Variants in NBAS observed in about 807,000 individuals in gnomAD.
The protein encoded by NBAS is NBAS subunit of NRZ tethering complex.
NBAS carries 219 observed loss-of-function variants against 302.5 expected under a neutral mutation model. That is an observed-to-expected ratio of 0.72 (90% CI 0.65 to 0.81). The LOEUF (loss-of-function observed/expected upper bound fraction) is 0.81, where lower values mean the gene tolerates loss of function less well. NBAS is among the 30% of genes least tolerant of loss of function. The pLI is 0.00. For synonymous variants in NBAS, 1,118 were observed against 1,021.6 expected (o/e 1.09, Z -1.80); for missense variants, 2,932 against 2,841.6 (o/e 1.03, Z -0.72).
intron 12 of NBAS, among the ~76,000 whole-genome samples, chr2:15,486,433 T>A (rs930651429): frequency 2.0e-5 from 3 of 152,146 alleles, no homozygotes; most frequent in African/African-American, 7.2e-5. Context: ...AAAAGCTCTA[T>A]CTGAGGACTG....
the NBAS span, among the ~76,000 whole-genome samples, chr2:15,097,557 T>C: frequency 6.6e-6 from 1 of 152,134 alleles, no homozygotes; most frequent in Non-Finnish European, 1.5e-5. Flanking sequence ...GGAGCCAGCA[T>C]GATGGGGTTC....
the NBAS span, among the ~76,000 whole-genome samples, chr2:14,781,267 CAA>C: frequency 1.3e-4 from 20 of 152,288 alleles, no homozygotes; most frequent in South Asian, 1.9e-3. Flanking sequence ...AGTGCCTTTA[CAA>C]TTTAGCACTT....
At chr2:15,158,342 C>T in the NBAS span, among the ~76,000 whole-genome samples, 8 of 152,150 alleles carry the variant, frequency 5.3e-5, no homozygotes, top group African/African-American at 1.9e-4. Context: ...TTCGGCAAGC[C>T]TGGAAGTGAG....
intron 44 of NBAS, among the ~76,000 whole-genome samples, chr2:15,264,182 A>G (rs1049850168): frequency 6.6e-6 from 1 of 152,210 alleles, no homozygotes; most frequent in South Asian, 2.1e-4. Flanking sequence ...GCACTGTAGT[A>G]GGGAGGTTAT....
chr2:15,122,797 T>C, the NBAS span, among the ~76,000 whole-genome samples: 2 of 152,110 alleles, frequency 1.3e-5, no homozygotes, highest in Non-Finnish European at 2.9e-5. Context: ...CAAGGTAAAC[T>C]CTGAAATGCC....
chr2:14,840,701 TGA>T, the NBAS span, among the ~76,000 whole-genome samples: 277 of 151,952 alleles, frequency 1.8e-3, no homozygotes, highest in East Asian at 0.01. Context: ...CAAACGTAAA[TGA>T]GAGAAAAAAT....
chr2:15,390,264 C>G lies in NBAS; in HGVS notation c.3257+3963G>C, dbSNP rs552581290. ...CTTCCTCCATCCCAACTGCAAAAAG[C>G]AAAAAGATTAAACTGTTTGCAAGTA... On this transcript the variant is annotated intron_variant, in intron 28 of 51. Transcript: ENST00000281513. Among the ~76,000 whole-genome samples the G allele has an allele frequency of 5.9e-5, 9 of 152,178 alleles. No individual in the cohort carries two copies. The South Asian group carries it at 1.9e-3, about 32-fold the overall frequency.
the NBAS span, among the ~76,000 whole-genome samples, chr2:15,148,507 G>A: frequency 4.9e-4 from 75 of 152,276 alleles, 1 homozygote; most frequent in South Asian, 0.01. Context: ...GGCATTCCAC[G>A]TGCAGAGTGG....
chr2:14,975,129 C>A, the NBAS span, among the ~76,000 whole-genome samples: 1 of 152,126 alleles, frequency 6.6e-6, no homozygotes, highest in Non-Finnish European at 1.5e-5. Context: ...AACCTAGAAG[C>A]AGATTTTTCC....
intron 35 of NBAS, among the ~76,000 whole-genome samples, chr2:15,350,892 A>G (rs1673321494): frequency 6.6e-6 from 1 of 152,228 alleles, no homozygotes; most frequent in African/African-American, 2.4e-5. Context: ...ACTACTGTTC[A>G]AAGTCTCATT....
chr2:15,388,624 C>T (rs772469703), intron 28 of NBAS, among the ~76,000 whole-genome samples: 2 of 152,106 alleles, frequency 1.3e-5, no homozygotes, highest in Non-Finnish European at 2.9e-5. Context: ...AGCAGTTCCA[C>T]TCCTAGGTAG....
chr2:15,000,277 A>C, the NBAS span, among the ~76,000 whole-genome samples: 1 of 152,212 alleles, frequency 6.6e-6, no homozygotes, highest in Non-Finnish European at 1.5e-5. Flanking sequence ...GGCTTCACTG[A>C]AAAAACAAAA....
chr2:14,988,731 T>A, the NBAS span, among the ~76,000 whole-genome samples: 1 of 152,118 alleles, frequency 6.6e-6, no homozygotes, highest in South Asian at 2.1e-4. Flanking sequence ...TAAATACAAA[T>A]CTAAAACAGA....
intron 47 of NBAS, among the ~76,000 whole-genome samples, chr2:15,220,622 C>T (rs1309368242): frequency 1.3e-5 from 2 of 152,058 alleles, no homozygotes; most frequent in Non-Finnish European, 2.9e-5. Flanking sequence ...TCTTGTAACC[C>T]CAAATGAATA....
At chr2:14,891,732 A>C in the NBAS span, among the ~76,000 whole-genome samples, 1 of 152,224 alleles carries the variant, frequency 6.6e-6, no homozygotes, top group Non-Finnish European at 1.5e-5. Context: ...CCCCTCAATC[A>C]GTGAGCAGCT....
chr2:15,489,417 C>T (rs947211376), intron 11 of NBAS, among the ~76,000 whole-genome samples: 5 of 152,192 alleles, frequency 3.3e-5, no homozygotes, highest in African/African-American at 1.2e-4. Context: ...TTTATATCTA[C>T]ACAGTGTCTG....
At chr2:15,139,757 G>A in the NBAS span, among the ~76,000 whole-genome samples, 2 of 152,066 alleles carry the variant, frequency 1.3e-5, no homozygotes, top group East Asian at 1.9e-4. Flanking sequence ...TACGAGACAG[G>A]CACTAAGGAC....
intron 48 of NBAS, among the ~76,000 whole-genome samples, chr2:15,213,577 G>A (rs899790988): frequency 9.9e-5 from 15 of 152,128 alleles, no homozygotes; most frequent in African/African-American, 3.4e-4. Flanking sequence ...TGTAGTACAA[G>A]GCCAAGAATA....
chr2:15,455,108 G>A (rs1279278873), intron 21 of NBAS, among the ~76,000 whole-genome samples: 2 of 151,926 alleles, frequency 1.3e-5, no homozygotes, highest in Non-Finnish European at 2.9e-5. Flanking sequence ...TCATCACGTT[G>A]GCCAGGATGG....
Sources: gnomAD v4.1 joint callset for allele counts (sites outside exome capture counted in the v4.1 genomes callset) on GRCh38, gnomAD v4.1.1 for gene constraint, MANE v1.5 for transcripts, NCBI Gene and HGNC (gene_info 2026-07-23, HGNC 2026-07-21) for gene names.